EFNA5: variants seen among roughly 807,000 people sequenced by gnomAD.
EFNA5 encodes the protein ephrin-A5.
A neutral mutation model predicts 22.9 loss-of-function variants in EFNA5; 5 were observed. The ratio of observed to expected loss-of-function variants is 0.22; its 90% CI spans 0.11 to 0.46. The LOEUF is 0.46. EFNA5 is among the 20% of genes least tolerant of loss of function. The pLI is 0.99. For missense variants in EFNA5, 237 were observed against 293.3 expected, an observed-to-expected ratio of 0.81 and a Z score of 1.40; for synonymous variants, 113 against 112.2, an observed-to-expected ratio of 1.01 and a Z score of -0.04.
At chr5:107,524,174 A>G (rs2112445844) in intron 1 of EFNA5, among the ~76,000 whole-genome samples, 1 of 152,342 alleles carries the variant, frequency 6.6e-6, no homozygotes. Flanking sequence ...CGCACATTCT[A>G]ACTTGAAATT....
At chr5:107,471,014 G>A (rs1227814280) in intron 1 of EFNA5, among the ~76,000 whole-genome samples, 1 of 151,958 alleles carries the variant, frequency 6.6e-6, no homozygotes, top group East Asian at 1.9e-4. Context: ...AATACCGCAG[G>A]CTCATGCAAT....
At chr5:107,539,534 C>T (rs1313787223) in intron 1 of EFNA5, among the ~76,000 whole-genome samples, 2 of 152,220 alleles carry the variant, frequency 1.3e-5, no homozygotes, top group Non-Finnish European at 2.9e-5. Context: ...TCTCGGCTCA[C>T]TGCAACCTCT....
chr5:107,592,028 T>TAATATAA (rs1561443294), intron 1 of EFNA5, among the ~76,000 whole-genome samples: 15 of 68,442 alleles, frequency 2.2e-4, no homozygotes, highest in African/African-American at 1.3e-3. Flanking sequence ...ATAATATATA[T>TAATATAA]TATATATTAT....
chr5:107,607,045 G>C (rs1452131894), intron 1 of EFNA5, among the ~76,000 whole-genome samples: 3 of 152,052 alleles, frequency 2.0e-5, no homozygotes, highest in African/African-American at 4.8e-5. Context: ...ATTAATAATA[G>C]GTAAACAATT....
rs1010251566 is a variant in EFNA5, at chr5:107,470,818, C to T, written c.126-43309G>A. Among the ~76,000 whole-genome samples, 14 of 151,984 alleles carry T rather than the reference C, an allele frequency of 9.2e-5. 1 individual carries two copies. The highest frequency in any genetic ancestry group is 3.4e-4 in the African/African-American group (14 of 41,376). On this transcript the variant is annotated intron_variant, in intron 1 of 4. Transcript: ENST00000333274. The stretch of plus-strand genomic sequence containing the variant: ...GGCGGAGGCAGGAGAATCACTTGAG[C>T]CCAGGAGTTCGAGACCAGCCTAGGC...
At chr5:107,630,425 T>C (rs974483923) in intron 1 of EFNA5, among the ~76,000 whole-genome samples, 5 of 152,222 alleles carry the variant, frequency 3.3e-5, no homozygotes, top group African/African-American at 1.2e-4. Context: ...CTGTAGGCAA[T>C]TGTGACACAA....
intron 1 of EFNA5, among the ~76,000 whole-genome samples, chr5:107,636,901 T>C (rs1006926096): frequency 6.6e-6 from 1 of 152,224 alleles, no homozygotes; most frequent in Non-Finnish European, 1.5e-5. Flanking sequence ...AAGTATTTAG[T>C]GTTTTACAAA....
intron 1 of EFNA5, among the ~76,000 whole-genome samples, chr5:107,428,802 C>T (rs1468663807): frequency 6.6e-6 from 1 of 152,192 alleles, no homozygotes; most frequent in East Asian, 1.9e-4. Flanking sequence ...TGGAAAGTTT[C>T]TTCTTATATT....
chr5:107,506,950 G>A (rs1297490319), intron 1 of EFNA5, among the ~76,000 whole-genome samples: 3 of 151,932 alleles, frequency 2.0e-5, no homozygotes, highest in East Asian at 3.9e-4. Context: ...ATTATCCTAC[G>A]GGCTAAGAAT....
intron 1 of EFNA5, among the ~76,000 whole-genome samples, chr5:107,545,126 GT>G (rs1748119845): frequency 6.6e-6 from 1 of 152,208 alleles, no homozygotes; most frequent in Non-Finnish European, 1.5e-5. Flanking sequence ...GGAAATAAAA[GT>G]CACACATCGA....
At chr5:107,636,559 G>C (rs1187583965) in intron 1 of EFNA5, among the ~76,000 whole-genome samples, 1 of 152,202 alleles carries the variant, frequency 6.6e-6, no homozygotes, top group Non-Finnish European at 1.5e-5. Context: ...TGAAAGATGT[G>C]TTTGATTTAT....
intron 1 of EFNA5, among the ~76,000 whole-genome samples, chr5:107,484,307 C>T (rs771805086): frequency 2.0e-5 from 3 of 152,162 alleles, no homozygotes; most frequent in Non-Finnish European, 4.4e-5. Flanking sequence ...CCTGGTTCTC[C>T]AAGCCGCTGT....
intron 1 of EFNA5, among the ~76,000 whole-genome samples, chr5:107,510,531 C>T (rs67437152): frequency 0.23 from 35,609 of 152,100 alleles, 4,929 homozygotes; most frequent in African/African-American, 0.38. Flanking sequence ...TCCAAGAACC[C>T]TCTCTTGGGG....
intron 1 of EFNA5, among the ~76,000 whole-genome samples, chr5:107,528,174 G>A (rs910392586): frequency 3.3e-5 from 5 of 152,074 alleles, no homozygotes; most frequent in Non-Finnish European, 5.9e-5. Context: ...TACCCCGCTC[G>A]CCTCACCAGG....
At chr5:107,486,226 AC>A (rs1746617108) in intron 1 of EFNA5, among the ~76,000 whole-genome samples, 1 of 152,198 alleles carries the variant, frequency 6.6e-6, no homozygotes. Flanking sequence ...GTGAAAGAGC[AC>A]CCAGGCCCTG....
At chr5:107,657,807 A>C (rs983832901) in intron 1 of EFNA5, among the ~76,000 whole-genome samples, 1 of 152,150 alleles carries the variant, frequency 6.6e-6, no homozygotes, top group Admixed American at 6.6e-5. Flanking sequence ...AAGACTTGAA[A>C]GTTCATTTAG....
At chr5:107,394,025 T>C (rs937391662) in intron 2 of EFNA5, among the ~76,000 whole-genome samples, 1 of 152,242 alleles carries the variant, frequency 6.6e-6, no homozygotes, top group African/African-American at 2.4e-5. Context: ...GGAAGAATAC[T>C]AAAGCAACAA....
Position 107,553,401 on chromosome 5 carries a change from C to A in EFNA5, c.125+117088G>T, listed in dbSNP as rs567836992. 3.3e-5 allele frequency among the ~76,000 whole-genome samples: 5 copies of A among 152,346 alleles called. No individual in the cohort carries two copies. The South Asian group carries it at 1.0e-3, about 32-fold the overall frequency. On this transcript the variant is annotated intron_variant, in intron 1 of 4. Coordinates refer to ENST00000333274, the MANE Select transcript of EFNA5 (RefSeq NM_001962.3). ...CCCACTCCACCACCGCCCCACCATC[C>A]ACTGCTTTCAAAGCTTGGTGAGAGT...
At chr5:107,495,655 A>G (rs1746956993) in intron 1 of EFNA5, among the ~76,000 whole-genome samples, 1 of 152,226 alleles carries the variant, frequency 6.6e-6, no homozygotes, top group African/African-American at 2.4e-5. Context: ...AGTATGACAA[A>G]TAACGCCATG....
Sources: allele counts gnomAD v4.1 joint callset (sites outside exome capture counted in the v4.1 genomes callset), GRCh38; gene constraint gnomAD v4.1.1; transcripts MANE v1.5; gene names NCBI Gene and HGNC (gene_info 2026-07-23, HGNC 2026-07-21).